FAM168A: variants seen among roughly 807,000 people sequenced by gnomAD.
The protein encoded by FAM168A is family with sequence similarity 168 member A, also known as protein FAM168A.
Under a neutral mutation model 28.5 loss-of-function variants are expected in FAM168A, and 3 were observed. The observed-to-expected ratio is 0.11, with a 90% CI of 0.05 to 0.27. FAM168A has a LOEUF of 0.27. Ranked by LOEUF, FAM168A falls within the 10% of genes least tolerant of loss-of-function variation. FAM168A has a pLI of 1.00. For missense variants in FAM168A, 222 were observed against 311.5 expected (o/e 0.71, Z 2.16); for synonymous variants, 122 against 124.2 (o/e 0.98, Z 0.12).
chr11:73,537,547 C>T (rs542977609), intron 1 of FAM168A, among the ~76,000 whole-genome samples: 1 of 152,194 alleles, frequency 6.6e-6, no homozygotes, highest in South Asian at 2.1e-4. Flanking sequence ...CTAGCTGTTC[C>T]CAAAAGGCAA....
intron 2 of FAM168A, among the ~76,000 whole-genome samples, chr11:73,432,158 C>A (rs746019946): frequency 5.3e-5 from 8 of 152,174 alleles, no homozygotes; most frequent in Non-Finnish European, 1.2e-4. Context: ...GCCAGACTTT[C>A]TTTATCCGTT....
At chr11:73,454,925 T>C (rs1300389569) in intron 2 of FAM168A, among the ~76,000 whole-genome samples, 3 of 152,212 alleles carry the variant, frequency 2.0e-5, no homozygotes, top group Non-Finnish European at 4.4e-5. Flanking sequence ...TACCTCATTT[T>C]TCCTGGATGC....
chr11:73,460,564 C>A (rs1379095456), intron 2 of FAM168A, among the ~76,000 whole-genome samples: 1 of 139,948 alleles, frequency 7.1e-6, no homozygotes, highest in Non-Finnish European at 1.5e-5. Context: ...AGTATAGTGG[C>A]ACAATCTCAG....
intron 1 of FAM168A, among the ~76,000 whole-genome samples, chr11:73,516,280 C>T (rs1197012386): frequency 6.6e-6 from 1 of 152,038 alleles, no homozygotes; most frequent in Non-Finnish European, 1.5e-5. Flanking sequence ...GCTGTGTTAC[C>T]TCATGAAAGT....
At chr11:73,444,547 C>G (rs1867264371) in intron 2 of FAM168A, among the ~76,000 whole-genome samples, 1 of 152,206 alleles carries the variant, frequency 6.6e-6, no homozygotes, top group Admixed American at 6.5e-5. Flanking sequence ...TATTTACAAT[C>G]TTTTGTGCAT....
rs76181516 is a variant in FAM168A, at chr11:73,453,334, G to A, written c.70+15071C>T. 2.0e-3 allele frequency among the ~76,000 whole-genome samples: 300 copies of A among 152,266 alleles called. 4 individuals carry two copies. Among genetic ancestry groups the A allele is most frequent in the African/African-American group, 6.6e-3 (274 of 41,534 alleles). ...TTTTTCCCAAGCTCTGGACCTATCT[G>A]GTTCCTGACCAGAATCTCTGTGATT... On this transcript the variant is annotated intron_variant, in intron 2 of 7. Transcript: ENST00000356467.
At chr11:73,469,011 C>T (rs1363949502) in intron 1 of FAM168A, among the ~76,000 whole-genome samples, 1 of 152,206 alleles carries the variant, frequency 6.6e-6, no homozygotes. Context: ...CCGCCCCTTA[C>T]ACCTGCAGAG....
chr11:73,574,571 T>C (rs994020880), intron 1 of FAM168A, among the ~76,000 whole-genome samples: 8 of 152,142 alleles, frequency 5.3e-5, no homozygotes, highest in African/African-American at 1.7e-4. Flanking sequence ...GTTGGCCATC[T>C]TTTTTTCTGA....
At chr11:73,434,223 T>A (rs1867049455) in intron 2 of FAM168A, among the ~76,000 whole-genome samples, 1 of 152,202 alleles carries the variant, frequency 6.6e-6, no homozygotes, top group East Asian at 1.9e-4. Flanking sequence ...GTTTAGGGAC[T>A]TTTGTCAGTG....
intron 2 of FAM168A, among the ~76,000 whole-genome samples, chr11:73,449,066 C>T (rs530272890): frequency 1.2e-4 from 19 of 152,138 alleles, no homozygotes; most frequent in African/African-American, 4.6e-4. Flanking sequence ...GCCTTGACCT[C>T]TTGGGCTCAA....
intron 3 of FAM168A, among the ~76,000 whole-genome samples, chr11:73,425,775 C>T (rs1256884923): frequency 6.6e-6 from 1 of 152,204 alleles, no homozygotes; most frequent in Non-Finnish European, 1.5e-5. Flanking sequence ...TTTGTAGAGA[C>T]AGGGTCTTAC....
intron 1 of FAM168A, among the ~76,000 whole-genome samples, chr11:73,526,856 A>C (rs1261813992): frequency 1.4e-5 from 2 of 138,584 alleles, no homozygotes; most frequent in African/African-American, 2.9e-5. Context: ...GCGACAGAGC[A>C]AGACTCCATC....
intron 1 of FAM168A, among the ~76,000 whole-genome samples, chr11:73,544,904 T>C (rs1318904118): frequency 1.6e-4 from 15 of 94,116 alleles, no homozygotes; most frequent in African/African-American, 6.7e-4. Context: ...AAATATATTA[T>C]ATAATATATA....
At chr11:73,565,010 A>G (rs1944005750) in intron 1 of FAM168A, among the ~76,000 whole-genome samples, 1 of 152,220 alleles carries the variant, frequency 6.6e-6, no homozygotes, top group South Asian at 2.1e-4. Context: ...TTCCCTATCA[A>G]GAGCTCTTTC....
At chr11:73,438,601 G>A (rs901099142) in intron 2 of FAM168A, among the ~76,000 whole-genome samples, 3 of 152,154 alleles carry the variant, frequency 2.0e-5, no homozygotes, top group Non-Finnish European at 4.4e-5. Context: ...GCCAGGCTAA[G>A]GGATGGAATT....
intron 1 of FAM168A, among the ~76,000 whole-genome samples, chr11:73,579,181 A>T (rs753734553): frequency 2.7e-4 from 41 of 152,238 alleles, no homozygotes; most frequent in Middle Eastern, 3.4e-3. Flanking sequence ...CCCAAACATC[A>T]CACTGAGGAT....
intron 1 of FAM168A, among the ~76,000 whole-genome samples, chr11:73,539,267 ATTTT>A (rs140148477): frequency 0.03 from 4,509 of 152,018 alleles, 218 homozygotes; most frequent in African/African-American, 0.1. Context: ...TTATTTATTT[ATTTT>A]TTTATTTTTA....
chr11:73,576,798 C>A (rs543379737), intron 1 of FAM168A, among the ~76,000 whole-genome samples: 1 of 152,236 alleles, frequency 6.6e-6, no homozygotes, highest in South Asian at 2.1e-4. Flanking sequence ...CACTAGGGAA[C>A]TTTTAGACAA....
chr11:73,545,215 G>A (rs1590845800), intron 1 of FAM168A, among the ~76,000 whole-genome samples: 1 of 149,266 alleles, frequency 6.7e-6, no homozygotes, highest in East Asian at 1.9e-4. Context: ...TAGAAGAGAT[G>A]GGGTTTCACC....
Sources: gnomAD v4.1 joint callset for allele counts (sites outside exome capture counted in the v4.1 genomes callset) on GRCh38, gnomAD v4.1.1 for gene constraint, MANE v1.5 for transcripts, NCBI Gene and HGNC (gene_info 2026-07-23, HGNC 2026-07-21) for gene names.